SEC61B: variants seen among roughly 807,000 people sequenced by gnomAD.
SEC61B encodes protein transport protein Sec61 subunit beta.
In SEC61B, 7 loss-of-function variants were observed where a neutral mutation model predicts 12.6. The ratio of observed to expected loss-of-function variants is 0.55; its 90% CI spans 0.32 to 1.04. The LOEUF is 1.04. Among genes scored for constraint, SEC61B ranks in the 50% least tolerant of loss-of-function variants. The probability of loss-of-function intolerance (pLI) is 0.05; values close to 1 mark genes in which losing one functional copy is unlikely to be tolerated. For synonymous variants in SEC61B, 54 were observed against 50.1 expected (o/e 1.08, Z -0.33); for missense variants, 107 against 130.1 (o/e 0.82, Z 0.86).
intron 3 of SEC61B, among the ~76,000 whole-genome samples, chr9:99,228,995 C>T (rs1828930378): frequency 6.6e-6 from 1 of 152,106 alleles, no homozygotes; most frequent in African/African-American, 2.4e-5. Context: ...ATTTGACCAG[C>T]ACCTTGACTT....
In SEC61B at chr9:99,222,349, A is replaced by G. The variant is rs746831983; in HGVS notation, c.-15A>G. ...TATCCGTCCGCGTCAGCGCCTTGCC[A>G]CCCTCATCTCCAATATGGTATGGCG... is the stretch of plus-strand genomic sequence containing the variant. On this transcript the variant is annotated 5_prime_UTR_variant, in exon 1 of 4. Transcript: ENST00000223641. The G allele has an allele frequency of 8.7e-6, 14 of 1,613,532 alleles. No individual in the cohort carries two copies. The highest frequency in any genetic ancestry group is 3.3e-4 in the Middle Eastern group (2 of 6,078).
intron 2 of SEC61B, among the ~76,000 whole-genome samples, chr9:99,227,008 C>G (rs902041321): frequency 2.0e-5 from 3 of 151,920 alleles, no homozygotes; most frequent in Non-Finnish European, 4.4e-5. Context: ...TGGCTTGCAC[C>G]TGTAATCCCA....
In SEC61B at chr9:99,227,511, G is replaced by C. The variant is rs1828912876; in HGVS notation, c.102-388G>C. Among the ~76,000 whole-genome samples, 13 of 152,292 alleles carry C rather than the reference G, an allele frequency of 8.5e-5. 1 individual carries two copies. In the South Asian group the frequency reaches 2.7e-3, roughly 32 times the overall value. On this transcript the variant is annotated intron_variant, in intron 2 of 3. Coordinates refer to ENST00000223641, the MANE Select transcript of SEC61B (RefSeq NM_006808.3). ...TTGGCTTCATGAAAGATGCATGTGA[G>C]GAGAAAGTGAAATGCTTTGTCCACA...
At chr9:99,228,037 T>A in intron 3 of SEC61B, 37 bp downstream of exon 3, 1 of 1,523,816 alleles carries the variant, frequency 6.6e-7, no homozygotes. Context: ...TTCTGTCCAG[T>A]GGCAGCAGAG....
chr9:99,229,027 T>G (rs937018848), intron 3 of SEC61B, among the ~76,000 whole-genome samples: 4 of 152,080 alleles, frequency 2.6e-5, no homozygotes, highest in Non-Finnish European at 5.9e-5. Flanking sequence ...GTCACAAATT[T>G]GTAACTTTAC....
chr9:99,222,546 C>T lies in SEC61B; in HGVS notation c.4C>T (p.Pro2Ser). The T allele has an allele frequency of 6.3e-7, 1 of 1,587,684 alleles. No homozygotes were observed. The highest frequency in any genetic ancestry group is 2.3e-5 in the East Asian group (1 of 43,368). Residue 2 changes from proline (P) to serine (S), a missense_variant and splice_region_variant, in exon 2 of 4, where the codon CCT (proline) becomes TCT (serine). Physicochemically the swap from Pro to Ser is moderately conservative, Grantham distance 74. Transcript: ENST00000223641. M[P>S]GPTPSGTNVG... ...TCTGTCTGCTTGTCTCCCTCTACAG[C>T]CTGGTCCGACCCCCAGTGGCACTAA...
At chr9:99,230,027 A>C (rs117826749) in intron 3 of SEC61B, among the ~76,000 whole-genome samples, 3,244 of 152,344 alleles carry the variant, frequency 0.021, 61 homozygotes, top group Middle Eastern at 0.044. Context: ...TTGAGAAGAC[A>C]ACAAATACAT....
In SEC61B at chr9:99,222,626, A is replaced by T. The variant is rs765632055; in HGVS notation, c.84A>T (p.Gly28=). The T allele has an allele frequency of 6.5e-7, 1 of 1,548,442 alleles. No homozygotes were observed. ...AAGCAGTGGCCGCCCGGGCGGCGGG[A>T]TCCACTGTCCGGCAGAGGTAAGGAA... ...PSKAVAARAA[G]STVRQRKNAS... The change falls in exon 2 of 4, where the codon GGA becomes GGT. Residue 28 remains glycine, a synonymous_variant. Transcript: ENST00000223641.
rs111986989 is a variant in SEC61B, at chr9:99,227,792, GTT to G, written c.102-96_102-95del. On this transcript the variant is annotated intron_variant, in intron 2 of 3. Transcript: ENST00000223641. ...ATTTAGGTGGATTCTAGCAAAGAAA[GTT>G]TTTTTTTTTTGATTCCTTAACTGTG... 1.4e-3 allele frequency: 899 copies of G among 652,456 alleles called. 5 individuals carry two copies. Among genetic ancestry groups the G allele is most frequent in the African/African-American group, 5.8e-3 (304 of 52,682 alleles). 40.4% of individuals were successfully genotyped at this position (652,456 alleles called of 1,614,324 possible).
Position 99,224,282 on chromosome 9 carries a change from C to T in SEC61B, c.101+1639C>T, listed in dbSNP as rs114599067. 9.5e-3 allele frequency among the ~76,000 whole-genome samples: 1,449 copies of T among 152,218 alleles called. 11 individuals carry two copies. Among genetic ancestry groups the T allele is most frequent in the African/African-American group, 0.033 (1,369 of 41,526 alleles). On this transcript the variant is annotated intron_variant, in intron 2 of 3. Coordinates refer to ENST00000223641, the MANE Select transcript of SEC61B (RefSeq NM_006808.3). ...ATTATCCTGAATGATTTTGAGTTCC[C>T]TGTCATTGGGATGTTCATGAGGAGT...
intron 3 of SEC61B, among the ~76,000 whole-genome samples, chr9:99,228,640 G>A (rs934092094): frequency 3.9e-5 from 6 of 152,226 alleles, no homozygotes; most frequent in Middle Eastern, 3.2e-3. Flanking sequence ...ACAGATTTCT[G>A]TTAGGTTCCA....
chr9:99,225,522 C>T (rs1828884530), intron 2 of SEC61B, among the ~76,000 whole-genome samples: 1 of 152,110 alleles, frequency 6.6e-6, no homozygotes, highest in South Asian at 2.1e-4. Context: ...ATGTTAGAAC[C>T]AAGTGTGTAA....
chr9:99,229,492 A>G lies in SEC61B; in HGVS notation c.204-845A>G, dbSNP rs116528378. The stretch of plus-strand genomic sequence containing the variant: ...TAATTAGTCCTGAGTAGTTGGGACT[A>G]CAAGTGCGCACTACCATGCCTGGCT... On this transcript the variant is annotated intron_variant, in intron 3 of 3. Coordinates refer to ENST00000223641, the MANE Select transcript of SEC61B (RefSeq NM_006808.3). Among the ~76,000 whole-genome samples the G allele has an allele frequency of 4.2e-3, 642 of 152,260 alleles. 3 individuals carry two copies. The highest frequency in any genetic ancestry group is 0.015 in the African/African-American group (605 of 41,548).
chr9:99,228,884 TG>T, intron 3 of SEC61B, among the ~76,000 whole-genome samples: 1 of 152,242 alleles, frequency 6.6e-6, no homozygotes, highest in African/African-American at 2.4e-5. Flanking sequence ...CAACAAGAGG[TG>T]GAACTGGATA....
At chr9:99,222,729 T>A in intron 2 of SEC61B, 86 bp downstream of exon 2, 1 of 988,948 alleles carries the variant, frequency 1.0e-6, no homozygotes, top group Non-Finnish European at 1.4e-6. Flanking sequence ...CCCTAGCATG[T>A]GAAGATTGAC....
chr9:99,222,976 C>CGA, intron 2 of SEC61B: 1 of 233,620 alleles, frequency 4.3e-6, no homozygotes. Flanking sequence ...AGCAATCTGT[C>CGA]CTACAGATAA....
Position 99,222,319 on chromosome 9 carries a change from C to CT in SEC61B, c.-42dup. 6.2e-7 allele frequency: 1 copy of CT among 1,614,132 alleles called. No homozygotes were observed. Among genetic ancestry groups the CT allele is most frequent in the East Asian group, 2.2e-5 (1 of 44,870 alleles). ...TGCCGGTCTTTCGGGGGCTCCGTAA[C>CT]TTTCTATCCGTCCGCGTCAGCGCCT... On this transcript the variant is annotated 5_prime_UTR_variant, in exon 1 of 4. Coordinates refer to ENST00000223641, the MANE Select transcript of SEC61B (RefSeq NM_006808.3).
intron 2 of SEC61B, among the ~76,000 whole-genome samples, chr9:99,226,712 G>T (rs1828900688): frequency 2.0e-5 from 3 of 152,164 alleles, no homozygotes; most frequent in South Asian, 4.1e-4. Flanking sequence ...TGCAGGGAAG[G>T]GTAGTTGCTG....
At chr9:99,223,946 T>G (rs980598810) in intron 2 of SEC61B, among the ~76,000 whole-genome samples, 1 of 152,194 alleles carries the variant, frequency 6.6e-6, no homozygotes, top group Non-Finnish European at 1.5e-5. Flanking sequence ...ATCTCCTTCA[T>G]TAGACTTTAA....
Sources: allele counts gnomAD v4.1 joint callset (sites outside exome capture counted in the v4.1 genomes callset), GRCh38; gene constraint gnomAD v4.1.1; transcripts MANE v1.5; gene names NCBI Gene and HGNC (gene_info 2026-07-23, HGNC 2026-07-21).